The following PTDSS1 variants were observed in gnomAD, a reference collection of about 807,000 sequenced individuals.
PTDSS1 encodes the protein PSS-1.
PTDSS1 carries 45 observed loss-of-function variants against 70.5 expected under a neutral mutation model. That is an observed-to-expected ratio of 0.64 (90% confidence interval 0.50 to 0.82). The LOEUF is 0.82. Among genes scored for constraint, PTDSS1 ranks in the 40% least tolerant of loss-of-function variants. The pLI, the probability that PTDSS1 is intolerant of heterozygous loss-of-function variation, is 0.00. For synonymous variants in PTDSS1, 188 were observed against 203.8 expected (o/e 0.92, Z 0.66); for missense variants, 417 against 586.1 (o/e 0.71, Z 2.98).
At chr8:96,269,878 G>A (rs1237571794) in intron 1 of PTDSS1, among the ~76,000 whole-genome samples, 1 of 152,230 alleles carries the variant, frequency 6.6e-6, no homozygotes, top group African/African-American at 2.4e-5. Flanking sequence ...GAAGGAATGA[G>A]TGGACGTAAA....
intron 4 of PTDSS1, 150 bp downstream of exon 4, chr8:96,287,296 A>G: frequency 9.5e-7 from 1 of 1,051,684 alleles, no homozygotes; most frequent in South Asian, 1.6e-5. Context: ...GTTGAGTTGC[A>G]TGGTTGTCCA....
intron 1 of PTDSS1, among the ~76,000 whole-genome samples, chr8:96,271,016 A>G (rs954987129): frequency 3.9e-4 from 59 of 152,300 alleles, no homozygotes; most frequent in African/African-American, 1.3e-3. Context: ...ATGGCCATTT[A>G]TTTGTGGTTA....
At position 96,262,421 on chromosome 8, in the gene PTDSS1, C is replaced by T. The variant is rs1328236763; in HGVS notation, c.179+202C>T. ...AGTACGCTAGCCTGCTCCCCTACCC[C>T]TCAGTGCCCCTTCTCCATACAGCGC... is the stretch of plus-strand genomic sequence containing the variant. On this transcript the variant is annotated intron_variant, in intron 1 of 12. Coordinates refer to ENST00000517309, the MANE Select transcript of PTDSS1 (RefSeq NM_014754.3). This position sits in a 1 kb window ranked among gnomAD's most constrained non-coding sequence, Gnocchi z 4.4. 1.3e-5 allele frequency among the ~76,000 whole-genome samples: 2 copies of T among 152,196 alleles called. No individual in the cohort carries two copies. Among genetic ancestry groups the T allele is most frequent in the African/African-American group, 4.8e-5 (2 of 41,456 alleles).
At chr8:96,270,179 T>G (rs1810544997) in intron 1 of PTDSS1, among the ~76,000 whole-genome samples, 1 of 152,088 alleles carries the variant, frequency 6.6e-6, no homozygotes, top group South Asian at 2.1e-4. Flanking sequence ...ACCCTATCAG[T>G]AAAATGCAGA....
intron 12 of PTDSS1, among the ~76,000 whole-genome samples, chr8:96,331,769 C>T (rs769747928): frequency 4.6e-5 from 7 of 150,826 alleles, no homozygotes; most frequent in African/African-American, 7.3e-5. Flanking sequence ...ACTGTATATC[C>T]GGCCAGGCAC....
At chr8:96,318,972 GCCATCTTGGCTTA>G (rs1255893965) in intron 9 of PTDSS1, among the ~76,000 whole-genome samples, 2 of 137,348 alleles carry the variant, frequency 1.5e-5, no homozygotes, top group Admixed American at 1.6e-4. Flanking sequence ...GTGCAGTGGT[GCCATCTTGGCTTA>G]CCACAACCTC....
At position 96,262,723 on chromosome 8, in the gene PTDSS1, G is replaced by A. The variant is rs1810427510; in HGVS notation, c.179+504G>A. 6.6e-6 allele frequency among the ~76,000 whole-genome samples: 1 copy of A among 152,150 alleles called. No individual in the cohort carries two copies. The highest frequency in any genetic ancestry group is 2.1e-4 in the South Asian group (1 of 4,830). The stretch of plus-strand genomic sequence containing the variant: ...CCCTTCCTGTGGAACTCCGGTATTC[G>A]GCACTATCCGTAACGCACAAAAAAT... On this transcript the variant is annotated intron_variant, in intron 1 of 12. Transcript: ENST00000517309. The surrounding 1 kb of genome is among the most constrained non-coding windows in gnomAD (Gnocchi z 4.4).
chr8:96,276,978 GCGCACACACACA>G (rs983809397), intron 2 of PTDSS1, among the ~76,000 whole-genome samples: 4 of 129,634 alleles, frequency 3.1e-5, no homozygotes, highest in African/African-American at 8.0e-5. Flanking sequence ...GCGCACGCGC[GCGCACACACACA>G]CACACACACA....
intron 12 of PTDSS1, 24 bp from the exon 13 acceptor site, chr8:96,333,433 G>C: frequency 6.3e-7 from 1 of 1,580,692 alleles, no homozygotes; most frequent in Non-Finnish European, 8.7e-7. Flanking sequence ...CAGGGTGACG[G>C]TGTGCTCTGA....
chr8:96,261,962 A>T lies in PTDSS1; in HGVS notation c.-79A>T. On this transcript the variant is annotated 5_prime_UTR_variant, in exon 1 of 13. Transcript: ENST00000517309. Reference sequence around the variant, plus strand: ...GGCTTTGCCGTCCGGCTATTAGCCTACTGTGGCTAGTCACCCCCGGGGTCC... The same window carrying T: ...GGCTTTGCCGTCCGGCTATTAGCCTTCTGTGGCTAGTCACCCCCGGGGTCC... The T allele has an allele frequency of 6.9e-7, 1 of 1,445,798 alleles. No homozygotes were observed. 89.6% of individuals were successfully genotyped at this position (1,445,798 alleles called of 1,614,324 possible).
intron 2 of PTDSS1, 24 bp from the exon 3 acceptor site, chr8:96,284,085 C>G (rs1436443584): frequency 6.3e-7 from 1 of 1,591,376 alleles, no homozygotes; most frequent in Non-Finnish European, 8.6e-7. Context: ...TTCCTTCTAA[C>G]TTTATAATGT....
intron 4 of PTDSS1, among the ~76,000 whole-genome samples, chr8:96,289,284 G>A (rs1810869243): frequency 6.6e-6 from 1 of 152,054 alleles, no homozygotes; most frequent in Non-Finnish European, 1.5e-5. Flanking sequence ...ATGGAAGGTG[G>A]GACTGAAAGT....
chr8:96,323,914 G>A (rs1282547703), intron 10 of PTDSS1, among the ~76,000 whole-genome samples: 1 of 152,122 alleles, frequency 6.6e-6, no homozygotes, highest in Admixed American at 6.5e-5. Context: ...TTGTCTTTAA[G>A]TCATTTCCTT....
At chr8:96,275,400 A>G (rs1434556547) in intron 2 of PTDSS1, among the ~76,000 whole-genome samples, 1 of 152,138 alleles carries the variant, frequency 6.6e-6, no homozygotes, top group Non-Finnish European at 1.5e-5. Flanking sequence ...GCATCAGGCA[A>G]TCCTCCATCC....
chr8:96,283,897 G>T (rs1363910350), intron 2 of PTDSS1: 2 of 514,562 alleles, frequency 3.9e-6, no homozygotes, highest in African/African-American at 4.0e-5. Context: ...GGAGAGTGGT[G>T]CCTGTGATGA....
At chr8:96,303,421 G>A (rs1299268447) in intron 6 of PTDSS1, among the ~76,000 whole-genome samples, 6 of 152,262 alleles carry the variant, frequency 3.9e-5, no homozygotes, top group Admixed American at 2.0e-4. Context: ...AGACGTAAAA[G>A]TTCATGATAT....
intron 10 of PTDSS1, among the ~76,000 whole-genome samples, chr8:96,320,687 C>T (rs952976596): frequency 3.9e-5 from 6 of 152,182 alleles, no homozygotes; most frequent in Admixed American, 6.5e-5. Context: ...TTTGCTTTCT[C>T]ATCATCATGC....
chr8:96,275,515 T>G (rs1284012435), intron 2 of PTDSS1, among the ~76,000 whole-genome samples: 2 of 152,116 alleles, frequency 1.3e-5, no homozygotes, highest in African/African-American at 2.4e-5. Flanking sequence ...TCCCTCTCAT[T>G]GAATTTTACG....
intron 5 of PTDSS1, among the ~76,000 whole-genome samples, chr8:96,297,078 G>A (rs1414612495): frequency 6.6e-6 from 1 of 152,196 alleles, no homozygotes; most frequent in Admixed American, 6.5e-5. Context: ...GGTCATCTCT[G>A]TCAGAATTGC....
Sources: allele counts gnomAD v4.1 joint callset (sites outside exome capture counted in the v4.1 genomes callset), GRCh38; gene constraint gnomAD v4.1.1; non-coding constraint Gnocchi (gnomAD v3.1); transcripts MANE v1.5; gene names NCBI Gene and HGNC (gene_info 2026-07-23, HGNC 2026-07-21).